The following ACSL3 variants were observed in gnomAD, a reference collection of about 807,000 sequenced individuals.
ACSL3 encodes the protein acyl-CoA synthetase long chain family member 3.
Under a neutral mutation model 84.7 loss-of-function variants are expected in ACSL3, and 34 were observed. The observed-to-expected ratio is 0.40, with a 90% CI of 0.31 to 0.53. The LOEUF is 0.53. Among genes scored for constraint, ACSL3 ranks in the 20% least tolerant of loss-of-function variants. The pLI is 0.48. For missense variants in ACSL3, 680 were observed against 873.1 expected (o/e 0.78, Z 2.79); for synonymous variants, 315 against 299.4 (o/e 1.05, Z -0.54).
chr2:222,927,231 CG>C, intron 12 of ACSL3, 42 bp downstream of exon 12: 1 of 1,589,530 alleles, frequency 6.3e-7, no homozygotes, highest in Non-Finnish European at 8.6e-7. Flanking sequence ...TGATGCCAGA[CG>C]TTTTTTTGGG....
chr2:222,906,473 A>T (rs891954181), intron 3 of ACSL3, among the ~76,000 whole-genome samples: 1 of 152,160 alleles, frequency 6.6e-6, no homozygotes, highest in Non-Finnish European at 1.5e-5. Context: ...TGCCCTTTGT[A>T]TAGGGGTTGT....
intron 2 of ACSL3, among the ~76,000 whole-genome samples, chr2:222,893,339 C>T (rs1365600968): frequency 1.3e-5 from 2 of 152,154 alleles, no homozygotes; most frequent in Non-Finnish European, 2.9e-5. Flanking sequence ...CATAAAATGT[C>T]TGCTTGCTCT....
intron 10 of ACSL3, 119 bp from the exon 11 acceptor site, chr2:222,924,337 G>A (rs1696818466): frequency 3.3e-6 from 3 of 898,092 alleles, no homozygotes; most frequent in Non-Finnish European, 4.7e-6. Flanking sequence ...CACATCCACA[G>A]TTGAAGAGTA....
rs1434305943 is a variant in ACSL3, at chr2:222,944,160, T to C, written c.*2506T>C. ...AAAGTAGTATCTACTTTCTAAATACTACTTTGCTTTTCAGTAGTGGATTTG... is the reference window on the plus strand; with the variant it reads ...AAAGTAGTATCTACTTTCTAAATACCACTTTGCTTTTCAGTAGTGGATTTG... On this transcript the variant is annotated 3_prime_UTR_variant, in exon 17 of 17. Coordinates refer to ENST00000357430, the MANE Select transcript of ACSL3 (RefSeq NM_004457.5). The C allele has an allele frequency of 6.6e-6, 1 of 152,136 alleles. No individual in the cohort carries two copies. The highest frequency in any genetic ancestry group is 1.5e-5 in the Non-Finnish European group (1 of 67,992). The allele number at this position is 152,136 out of a possible 1,614,324, so 9.4% of individuals were successfully genotyped here. A position where few individuals can be genotyped will look rare whatever the true frequency, so the allele number is the denominator to read the frequency against.
chr2:222,906,295 T>C (rs1696293282), intron 3 of ACSL3, among the ~76,000 whole-genome samples: 2 of 152,222 alleles, frequency 1.3e-5, no homozygotes, highest in Admixed American at 1.3e-4. Context: ...TGATAGCCGA[T>C]TTTCAGCAGG....
chr2:222,939,072 C>T lies in ACSL3; in HGVS notation c.2006-2425C>T, dbSNP rs143135281. The stretch of plus-strand genomic sequence containing the variant: ...TGTAATTCATTGAGCATTCTTATGA[C>T]GGTTATTTTGAATTTGGTAATTCAT... On this transcript the variant is annotated intron_variant, in intron 16 of 16. Transcript: ENST00000357430. Among the ~76,000 whole-genome samples, 228 of 151,880 alleles carry T rather than the reference C, an allele frequency of 1.5e-3. 1 individual carries two copies. Among genetic ancestry groups the T allele is most frequent in the African/African-American group, 5.1e-3 (213 of 41,402 alleles).
At chr2:222,883,403 G>A (rs1301744012) in intron 1 of ACSL3, among the ~76,000 whole-genome samples, 5 of 151,392 alleles carry the variant, frequency 3.3e-5, no homozygotes, top group African/African-American at 9.7e-5. Flanking sequence ...TGCTGGTCTC[G>A]AACTCCCGAC....
At chr2:222,902,330 A>T (rs1336494416) in intron 3 of ACSL3, among the ~76,000 whole-genome samples, 1 of 152,218 alleles carries the variant, frequency 6.6e-6, no homozygotes, top group Non-Finnish European at 1.5e-5. Flanking sequence ...CAGTGATTTC[A>T]TCACTATAAA....
At chr2:222,862,141 A>G (rs184037630) in intron 1 of ACSL3, among the ~76,000 whole-genome samples, 2 of 152,348 alleles carry the variant, frequency 1.3e-5, no homozygotes, top group African/African-American at 4.8e-5. Flanking sequence ...AGAATGACAA[A>G]TAGCTGACAT....
At chr2:222,890,881 G>C (rs1293049955) in intron 2 of ACSL3, among the ~76,000 whole-genome samples, 2 of 152,170 alleles carry the variant, frequency 1.3e-5, no homozygotes, top group African/African-American at 4.8e-5. Context: ...GGCCTCAAGT[G>C]ATCTGCCCAC....
At chr2:222,883,290 A>T (rs1022287316) in intron 1 of ACSL3, among the ~76,000 whole-genome samples, 1 of 145,516 alleles carries the variant, frequency 6.9e-6, no homozygotes, top group African/African-American at 2.6e-5. Context: ...AAGCGATTCT[A>T]CTGTGTCAGT....
At position 222,910,948 on chromosome 2, in the gene ACSL3, A is replaced by T. The variant is rs192799169; in HGVS notation, c.378+1798A>T. 2.2e-4 allele frequency among the ~76,000 whole-genome samples: 34 copies of T among 152,180 alleles called. No individual in the cohort carries two copies. In the East Asian group the frequency reaches 6.0e-3, roughly 27 times the overall value. On this transcript the variant is annotated intron_variant, in intron 4 of 16. Transcript: ENST00000357430. ...TAGAAATTGAAATCATGAGTTAAGC[A>T]TGTTTGATTTTTCTTTTCCAGCCTA...
intron 2 of ACSL3, among the ~76,000 whole-genome samples, chr2:222,894,322 T>C (rs1022563616): frequency 3.3e-5 from 5 of 152,238 alleles, no homozygotes; most frequent in Admixed American, 3.3e-4. Context: ...AGAGAAGAGA[T>C]CTTCCTTGTG....
chr2:222,875,892 G>A (rs948192036), intron 1 of ACSL3, among the ~76,000 whole-genome samples: 2 of 152,014 alleles, frequency 1.3e-5, no homozygotes, highest in Non-Finnish European at 1.5e-5. Context: ...CATAAAATCA[G>A]CCAACATTTA....
intron 13 of ACSL3, among the ~76,000 whole-genome samples, chr2:222,929,333 A>AT (rs1205465638): frequency 6.6e-6 from 1 of 151,672 alleles, no homozygotes; most frequent in East Asian, 1.9e-4. Flanking sequence ...TCAACCTTGT[A>AT]TTATTAGAAG....
chr2:222,869,159 A>G (rs564252764), intron 1 of ACSL3, among the ~76,000 whole-genome samples: 1 of 152,282 alleles, frequency 6.6e-6, no homozygotes, highest in African/African-American at 2.4e-5. Flanking sequence ...ATATTATCCT[A>G]TGTCATCAAC....
chr2:222,892,122 G>C (rs1695856927), intron 2 of ACSL3, among the ~76,000 whole-genome samples: 1 of 152,206 alleles, frequency 6.6e-6, no homozygotes, highest in South Asian at 2.1e-4. Context: ...GTTGTTGAAA[G>C]ATTGTGTTAG....
chr2:222,941,192 G>C (rs1697296076), intron 16 of ACSL3, among the ~76,000 whole-genome samples: 1 of 152,112 alleles, frequency 6.6e-6, no homozygotes, highest in South Asian at 2.1e-4. Context: ...AGCTTTCAGA[G>C]TTACTGGGAT....
rs1337162236 is a variant in ACSL3, at chr2:222,916,406, C to G, written c.466C>G (p.Gln156Glu). The G allele has an allele frequency of 6.2e-7, 1 of 1,614,006 alleles. No homozygotes were observed. Among genetic ancestry groups the G allele is most frequent in the Non-Finnish European group, 8.5e-7 (1 of 1,179,962 alleles). ...TGGAAATGGATTACAGATGTTGGGT[C>G]AGAAACCAAAGACCAACATCGCCAT... is the stretch of plus-strand genomic sequence containing the variant. ...NFGNGLQMLG[Q>E]KPKTNIAIFC... is the part of the protein sequence containing the mutation. Residue 156 changes from glutamine to glutamate, a missense_variant, in exon 5 of 17, where the codon CAG (glutamine) becomes GAG (glutamate). Around this residue, in one of 2 missense-constraint regions of ACSL3, gnomAD observed 333 missense variants for 347.5 expected, o/e 0.96. Coordinates refer to ENST00000357430, the MANE Select transcript of ACSL3 (RefSeq NM_004457.5).
Sources: gnomAD v4.1 joint callset for allele counts (sites outside exome capture counted in the v4.1 genomes callset) on GRCh38, gnomAD v4.1.1 for gene constraint, gnomAD v4.1.1 regional missense constraint, MANE v1.5 for transcripts, NCBI Gene and HGNC (gene_info 2026-07-23, HGNC 2026-07-21) for gene names.